The following R3HDM2 variants were observed in gnomAD, a reference collection of about 807,000 sequenced individuals.
The protein encoded by R3HDM2 is R3H domain-containing protein 2.
Under a neutral mutation model 124.5 loss-of-function variants are expected in R3HDM2, and 38 were observed. The observed-to-expected ratio is 0.31, with a 90% CI of 0.24 to 0.40. The LOEUF is 0.40. R3HDM2 is among the 10% of genes least tolerant of loss of function. The pLI is 1.00. For missense variants in R3HDM2, 869 were observed against 1,236.9 expected (o/e 0.70, Z 4.46); for synonymous variants, 391 against 448.0 (o/e 0.87, Z 1.61).
intron 2 of R3HDM2, among the ~76,000 whole-genome samples, chr12:57,343,353 C>T (rs1332173093): frequency 3.3e-5 from 5 of 151,860 alleles, no homozygotes; most frequent in African/African-American, 1.2e-4. Context: ...CCAGGCCCAG[C>T]TAATTTTGTA....
chr12:57,301,396 G>T (rs2051122213), intron 4 of R3HDM2, among the ~76,000 whole-genome samples: 1 of 152,160 alleles, frequency 6.6e-6, no homozygotes, highest in Non-Finnish European at 1.5e-5. Context: ...AACATGACAG[G>T]TATGCTCTAA....
rs148200557 is a variant in R3HDM2 at position 57,379,836 on chromosome 12, T to C, written c.-36+15913A>G. ...TGGCCTGACCAGAAAATAAATTATA[T>C]ATATATGGCTACTTCACTTAGTGCT... is the stretch of plus-strand genomic sequence containing the variant. On this transcript the variant is annotated intron_variant, in intron 2 of 23. Transcript: ENST00000402412. Among the ~76,000 whole-genome samples the C allele has an allele frequency of 5.7e-3, 860 of 152,134 alleles. 6 individuals carry two copies. The highest frequency in any genetic ancestry group is 0.02 in the African/African-American group (824 of 41,514).
rs542323474 is a variant in R3HDM2 at position 57,374,889 on chromosome 12, T to C, written c.-36+20860A>G. Among the ~76,000 whole-genome samples the C allele has an allele frequency of 3.0e-5, 4 of 131,616 alleles. No individual in the cohort carries two copies. The East Asian group carries it at 7.0e-4, about 23-fold the overall frequency. 86.3% of individuals were successfully genotyped at this position (131,616 alleles called of 152,430 possible). ...CGGGCGCCTGTAGTCCCAGCTACTC[T>C]GGAGGCTGAGGCAGGAGAATGGCGT... On this transcript the variant is annotated intron_variant, in intron 2 of 23. Transcript: ENST00000402412.
chr12:57,314,130 G>A (rs1269812733), intron 2 of R3HDM2, among the ~76,000 whole-genome samples: 1 of 151,884 alleles, frequency 6.6e-6, no homozygotes, highest in Non-Finnish European at 1.5e-5. Context: ...GGAGGTTGCG[G>A]TGAGCTGAGA....
Position 57,392,822 on chromosome 12 carries a change from T to G in R3HDM2, c.-36+2927A>C, listed in dbSNP as rs13378044. Among the ~76,000 whole-genome samples the G allele has an allele frequency of 7.9e-3, 1,197 of 150,912 alleles. 14 individuals are homozygous for G. Among genetic ancestry groups the G allele is most frequent in the African/African-American group, 0.027 (1,114 of 41,076 alleles). On this transcript the variant is annotated intron_variant, in intron 2 of 23. Coordinates refer to ENST00000402412, the MANE Select transcript of R3HDM2 (RefSeq NM_001394031.1). The stretch of plus-strand genomic sequence containing the variant: ...TAGTACACTTTTTTTTTTTTTTTTT[T>G]TTGCTAGAGTCTCGCTCTGTCGCCC...
chr12:57,265,461 T>C (rs1439874514), intron 19 of R3HDM2, among the ~76,000 whole-genome samples: 1 of 151,848 alleles, frequency 6.6e-6, no homozygotes, highest in Non-Finnish European at 1.5e-5. Flanking sequence ...ACAGGTCTTC[T>C]GTGTCTTCAT....
chr12:57,266,770 A>G lies in R3HDM2; in HGVS notation c.2092T>C (p.Ser698Pro). 2 of 1,609,732 alleles carry G rather than the reference A, an allele frequency of 1.2e-6. No individual in the cohort carries two copies. Among genetic ancestry groups the G allele is most frequent in the South Asian group, 2.2e-5 (2 of 90,988 alleles). The change falls in exon 19 of 24, where the codon TCT becomes CCT. Residue 698 changes from serine (S) to proline (P), a missense_variant. By Grantham distance (74) the Ser-to-Pro change is moderately conservative (BLOSUM62 -1). Coordinates refer to ENST00000402412, the MANE Select transcript of R3HDM2 (RefSeq NM_001394031.1). ...GGCATCTGTGGTGGACTGCAGGGAG[A>G]GGGAGACTGAGGCATCTGGTACTGC... is the stretch of plus-strand genomic sequence containing the variant. Reference protein sequence around the residue: ...SEQYQMPQSPSPCSPPQMPQQ... With the variant: ...SEQYQMPQSPPPCSPPQMPQQ...
At position 57,430,898 on chromosome 12, in the gene R3HDM2, A is replaced by C; in HGVS notation, c.-284T>G. The C allele has an allele frequency of 1.2e-5, 1 of 82,866 alleles. No individual in the cohort carries two copies. 5.1% of individuals were successfully genotyped at this position (82,866 alleles called of 1,614,324 possible). A position where few individuals can be genotyped will look rare whatever the true frequency, so the allele number is the denominator to read the frequency against. ...GAAGCAGGGGGGACTGGGACGGGGGAGGGGAAAGGGGCTTGGGAAGGAGGG... is the reference window on the plus strand; with the variant it reads ...GAAGCAGGGGGGACTGGGACGGGGGCGGGGAAAGGGGCTTGGGAAGGAGGG... On this transcript the variant is annotated 5_prime_UTR_variant, in exon 1 of 24. Coordinates refer to ENST00000402412, the MANE Select transcript of R3HDM2 (RefSeq NM_001394031.1).
intron 2 of R3HDM2, among the ~76,000 whole-genome samples, chr12:57,374,646 G>GCA (rs2138080595): frequency 8.5e-6 from 1 of 117,930 alleles, no homozygotes; most frequent in South Asian, 2.9e-4. Flanking sequence ...TCACGCCATT[G>GCA]CACCCCAGCC....
intron 14 of R3HDM2, among the ~76,000 whole-genome samples, chr12:57,274,429 G>A (rs1047982539): frequency 1.3e-5 from 2 of 152,042 alleles, no homozygotes; most frequent in African/African-American, 2.4e-5. Context: ...AGCCGAGATC[G>A]CACCACCACT....
chr12:57,326,477 A>C (rs1436606040), intron 2 of R3HDM2, among the ~76,000 whole-genome samples: 1 of 152,238 alleles, frequency 6.6e-6, no homozygotes, highest in African/African-American at 2.4e-5. Context: ...CTTCAATTCT[A>C]TGAAGGCTGA....
chr12:57,320,202 A>C (rs1026422699), intron 2 of R3HDM2, among the ~76,000 whole-genome samples: 1 of 138,200 alleles, frequency 7.2e-6, no homozygotes, highest in African/African-American at 2.7e-5. Context: ...TGGAGGTTGC[A>C]GTGAGCCAAG....
At chr12:57,313,075 A>G (rs1284290150) in intron 2 of R3HDM2, among the ~76,000 whole-genome samples, 1 of 152,148 alleles carries the variant, frequency 6.6e-6, no homozygotes, top group Admixed American at 6.6e-5. Flanking sequence ...TACTATAAAA[A>G]CAGTTATAAC....
At chr12:57,289,118 A>G in intron 11 of R3HDM2, 78 bp from the exon 12 acceptor site, 2 of 1,380,558 alleles carry the variant, frequency 1.4e-6, no homozygotes. Flanking sequence ...CCATGATGCT[A>G]TGAATACCCA....
At chr12:57,364,952 CAAAA>C (rs1214204891) in intron 2 of R3HDM2, among the ~76,000 whole-genome samples, 1 of 46,482 alleles carries the variant, frequency 2.2e-5, no homozygotes, top group Non-Finnish European at 4.2e-5. Flanking sequence ...GACTCCATCT[CAAAA>C]AAAAAAAAAA....
At chr12:57,422,112 AAAAAAAT>A (rs1369803725) in intron 1 of R3HDM2, among the ~76,000 whole-genome samples, 80 of 139,324 alleles carry the variant, frequency 5.7e-4, no homozygotes, top group Non-Finnish European at 1.0e-3. Flanking sequence ...AAAAAAAAAA[AAAAAAAT>A]TTTGAGTCCA....
intron 2 of R3HDM2, among the ~76,000 whole-genome samples, chr12:57,360,649 G>C (rs941627156): frequency 6.7e-6 from 1 of 150,288 alleles, no homozygotes; most frequent in Non-Finnish European, 1.5e-5. Context: ...GAAGGGAAGG[G>C]GAAAGGAAAG....
chr12:57,342,585 G>T (rs951120159), intron 2 of R3HDM2, among the ~76,000 whole-genome samples: 5 of 152,136 alleles, frequency 3.3e-5, no homozygotes, highest in Admixed American at 3.3e-4. Context: ...TGGCACGCCT[G>T]CCTCCACACT....
At chr12:57,337,092 T>G (rs1056323443) in intron 2 of R3HDM2, among the ~76,000 whole-genome samples, 1 of 152,148 alleles carries the variant, frequency 6.6e-6, no homozygotes, top group Non-Finnish European at 1.5e-5. Flanking sequence ...GAGAAAATCT[T>G]TTCTGGAATG....
Sources: allele counts gnomAD v4.1 joint callset (sites outside exome capture counted in the v4.1 genomes callset), GRCh38; gene constraint gnomAD v4.1.1; transcripts MANE v1.5; gene names NCBI Gene and HGNC (gene_info 2026-07-23, HGNC 2026-07-21).